The following PLEKHM3 variants were observed in gnomAD, a reference collection of about 807,000 sequenced individuals.
PLEKHM3 encodes pleckstrin homology domain-containing family M member 3.
A neutral mutation model predicts 81.8 loss-of-function variants in PLEKHM3; 45 were observed. That is an observed-to-expected ratio of 0.55 (90% CI 0.43 to 0.71). PLEKHM3 has a LOEUF of 0.71. PLEKHM3 is among the 30% of genes least tolerant of loss of function. The pLI is 0.00. For synonymous variants in PLEKHM3, 352 were observed against 356.4 expected, an observed-to-expected ratio of 0.99 and a Z score of 0.14; for missense variants, 788 against 924.3, an observed-to-expected ratio of 0.85 and a Z score of 1.91.
chr2:207,926,901 CG>C (rs1311276270), intron 5 of PLEKHM3, among the ~76,000 whole-genome samples: 26 of 152,134 alleles, frequency 1.7e-4, no homozygotes, highest in Non-Finnish European at 2.9e-5. Flanking sequence ...GGCGGTCGAG[CG>C]CTAATACAAT....
intron 3 of PLEKHM3, among the ~76,000 whole-genome samples, chr2:207,961,277 A>G (rs1361008990): frequency 2.0e-5 from 3 of 152,356 alleles, no homozygotes; most frequent in South Asian, 2.1e-4. Context: ...AACTAAGTCA[A>G]TCCTCTGTGT....
chr2:207,839,721 G>A (rs1277758601), intron 7 of PLEKHM3, among the ~76,000 whole-genome samples: 1 of 152,084 alleles, frequency 6.6e-6, no homozygotes, highest in South Asian at 2.1e-4. Flanking sequence ...ATCCTGCCCA[G>A]GAGTTCAGGA....
At chr2:207,880,783 A>AAAAAAAAAAAAAAAAAAAAAAAAAAAC (rs1559219094) in intron 6 of PLEKHM3, among the ~76,000 whole-genome samples, 1 of 138,986 alleles carries the variant, frequency 7.2e-6, no homozygotes, top group African/African-American at 2.6e-5. Context: ...AAAAAAAAAA[A>AAAAAAAAAAAAAAAAAAAAAAAAAAAC]AAAAACCAAA....
At chr2:207,969,059 A>C (rs1691022977) in intron 3 of PLEKHM3, among the ~76,000 whole-genome samples, 1 of 152,226 alleles carries the variant, frequency 6.6e-6, no homozygotes, top group African/African-American at 2.4e-5. Flanking sequence ...GATATCAAGG[A>C]AAGTCAATTT....
chr2:207,828,436 C>T lies in PLEKHM3; in HGVS notation c.2169G>A (p.Pro723=), dbSNP rs763750479. ...SECKEKSVPC[P]RCVRRELQKK... ...TCTGCAGCTCTCGGCGAACACACCT[C>T]GGGCAGGGGACAGACTTTTCTTTGC... Residue 723 remains proline (P), a synonymous_variant, in exon 8 of 8, where the codon CCG becomes CCA. Coordinates refer to ENST00000427836, the MANE Select transcript of PLEKHM3 (RefSeq NM_001080475.3). The T allele has an allele frequency of 8.1e-6, 13 of 1,614,114 alleles. No individual in the cohort carries two copies. Among genetic ancestry groups the T allele is most frequent in the Middle Eastern group, 1.6e-4 (1 of 6,062 alleles).
At chr2:207,957,047 G>C (rs1285227030) in intron 3 of PLEKHM3, among the ~76,000 whole-genome samples, 1 of 152,084 alleles carries the variant, frequency 6.6e-6, no homozygotes, top group Non-Finnish European at 1.5e-5. Context: ...GACAGACGTT[G>C]GGGGCATGCA....
At chr2:207,924,779 C>A (rs1689330673) in intron 5 of PLEKHM3, among the ~76,000 whole-genome samples, 1 of 152,114 alleles carries the variant, frequency 6.6e-6, no homozygotes, top group Non-Finnish European at 1.5e-5. Flanking sequence ...ATAAAGTTGC[C>A]CCATTGGCTC....
At chr2:207,869,397 A>G (rs1196360404) in intron 6 of PLEKHM3, among the ~76,000 whole-genome samples, 1 of 152,090 alleles carries the variant, frequency 6.6e-6, no homozygotes, top group African/African-American at 2.4e-5. Flanking sequence ...CCCTTTCTCC[A>G]TATACCAAAT....
intron 6 of PLEKHM3, among the ~76,000 whole-genome samples, chr2:207,871,992 G>T (rs11883438): frequency 6.6e-6 from 1 of 151,984 alleles, no homozygotes; most frequent in South Asian, 2.1e-4. Flanking sequence ...CAGTAAATGA[G>T]GAAAAGTTCT....
chr2:207,901,826 T>C (rs573029315), intron 6 of PLEKHM3, among the ~76,000 whole-genome samples: 4 of 152,324 alleles, frequency 2.6e-5, no homozygotes, highest in African/African-American at 9.6e-5. Context: ...CTAAAATAGT[T>C]AACAGAGATT....
At chr2:207,992,616 CA>C (rs1273171266) in intron 2 of PLEKHM3, among the ~76,000 whole-genome samples, 1 of 151,972 alleles carries the variant, frequency 6.6e-6, no homozygotes, top group Admixed American at 6.6e-5. Flanking sequence ...TTCTACAATA[CA>C]GTTGGTATCT....
rs1363156088 is a variant in PLEKHM3, at chr2:207,823,524, AACTCCTG to A, written c.*4788_*4794del. The A allele has an allele frequency of 3.9e-5, 6 of 152,212 alleles. No homozygotes were observed. Among genetic ancestry groups the A allele is most frequent in the African/African-American group, 1.4e-4 (6 of 41,422 alleles). The allele number at this position is 152,212 out of a possible 1,614,324, so 9.4% of individuals were successfully genotyped here. A position where few individuals can be genotyped will look rare whatever the true frequency, so the allele number is the denominator to read the frequency against. ...CACCATGTTGGCCAGGCTGGCCTCA[AACTCCTG>A]ACCTCAAGTGATTCACCCACCTCGG... is the stretch of plus-strand genomic sequence containing the variant. On this transcript the variant is annotated 3_prime_UTR_variant, in exon 8 of 8. Transcript: ENST00000427836.
intron 5 of PLEKHM3, among the ~76,000 whole-genome samples, chr2:207,927,706 T>G (rs1689448514): frequency 6.6e-6 from 1 of 151,746 alleles, no homozygotes; most frequent in Non-Finnish European, 1.5e-5. Context: ...GGCACATGCC[T>G]GTAATCCCAG....
chr2:208,002,079 C>T (rs1308775144), intron 1 of PLEKHM3, 122 bp from the exon 2 acceptor site: 1 of 171,342 alleles, frequency 5.8e-6, no homozygotes, highest in Non-Finnish European at 1.3e-5. Flanking sequence ...CAAAGGCAGA[C>T]AACACCTACA....
chr2:207,893,157 A>C (rs1470275288), intron 6 of PLEKHM3, among the ~76,000 whole-genome samples: 1 of 152,216 alleles, frequency 6.6e-6, no homozygotes, highest in East Asian at 1.9e-4. Flanking sequence ...ATGTTAAATT[A>C]AACTCAGATT....
intron 6 of PLEKHM3, among the ~76,000 whole-genome samples, chr2:207,902,933 T>C (rs1688486649): frequency 1.3e-5 from 2 of 151,748 alleles, no homozygotes; most frequent in African/African-American, 2.4e-5. Context: ...ATTGCTTTAG[T>C]ATAAAACAAA....
intron 6 of PLEKHM3, among the ~76,000 whole-genome samples, chr2:207,871,304 C>G (rs1197165255): frequency 6.6e-6 from 1 of 152,158 alleles, no homozygotes; most frequent in Non-Finnish European, 1.5e-5. Context: ...TATGGGACTA[C>G]TCTAACAAGA....
At chr2:207,839,606 A>G (rs772687249) in intron 7 of PLEKHM3, among the ~76,000 whole-genome samples, 1 of 152,140 alleles carries the variant, frequency 6.6e-6, no homozygotes, top group South Asian at 2.1e-4. Flanking sequence ...AATGTGATGC[A>G]GCCAAGCCAG....
At chr2:207,923,855 G>GCACACACACACACACACACA (rs1157865708) in intron 5 of PLEKHM3, among the ~76,000 whole-genome samples, 10 of 18,902 alleles carry the variant, frequency 5.3e-4, no homozygotes, top group African/African-American at 1.4e-3. Flanking sequence ...ACACACGCAC[G>GCACACACACACACACACACA]CACACACACA....
Sources: allele counts gnomAD v4.1 joint callset (sites outside exome capture counted in the v4.1 genomes callset), GRCh38; gene constraint gnomAD v4.1.1; transcripts MANE v1.5; gene names NCBI Gene and HGNC (gene_info 2026-07-23, HGNC 2026-07-21).